TSHR: variants seen among roughly 807,000 people sequenced by gnomAD.
The protein encoded by TSHR is thyroid stimulating hormone receptor, also known as thyrotropin receptor.
In TSHR, 51 loss-of-function variants were observed where a neutral mutation model predicts 64.1. That is an observed-to-expected ratio of 0.80 (90% CI 0.64 to 1.01). The LOEUF (loss-of-function observed/expected upper bound fraction) is 1.01. Among genes scored for constraint, TSHR ranks in the 50% least tolerant of loss-of-function variants. The pLI is 0.00. For missense variants in TSHR, 877 were observed against 942.8 expected (o/e 0.93, Z 0.91); for synonymous variants, 361 against 361.9 (o/e 1.00, Z 0.03).
intron 1 of TSHR, among the ~76,000 whole-genome samples, chr14:80,978,113 ACACACAC>A (rs1887977188): frequency 1.3e-5 from 2 of 151,668 alleles, no homozygotes; most frequent in South Asian, 4.2e-4. Context: ...ACACACACAC[ACACACAC>A]ACACACACAC....
intron 9 of TSHR, among the ~76,000 whole-genome samples, chr14:81,141,246 C>A (rs1315115043): frequency 6.6e-6 from 1 of 152,122 alleles, no homozygotes; most frequent in Non-Finnish European, 1.5e-5. Context: ...TGATGCCATG[C>A]GGCATTGAGA....
intron 1 of TSHR, chr14:81,013,432 CT>C (rs1325500272): frequency 6.6e-6 from 1 of 152,066 alleles, no homozygotes; most frequent in Non-Finnish European, 1.5e-5. Context: ...CAAGGAAAGT[CT>C]TAACAGATGT....
Position 81,120,150 on chromosome 14 carries a change from G to A in TSHR, c.692+11698G>A, listed in dbSNP as rs372842142. On this transcript the variant is annotated intron_variant, in intron 8 of 9. Transcript: ENST00000298171. ...CATATGTAACTAACCTGCACAATGT[G>A]CACATGTACCCTAAAACTTAAAGTA... Among the ~76,000 whole-genome samples the A allele has an allele frequency of 1.7e-4, 26 of 149,788 alleles. No individual in the cohort carries two copies. In the East Asian group the frequency reaches 5.0e-3, roughly 29 times the overall value.
At chr14:81,133,695 C>G (rs1326029463) in intron 8 of TSHR, among the ~76,000 whole-genome samples, 1 of 152,092 alleles carries the variant, frequency 6.6e-6, no homozygotes, top group Non-Finnish European at 1.5e-5. Flanking sequence ...AGAAAAGCAC[C>G]CTCTTAAATA....
At chr14:81,113,914 T>A (rs1337867411) in intron 8 of TSHR, among the ~76,000 whole-genome samples, 1 of 152,196 alleles carries the variant, frequency 6.6e-6, no homozygotes, top group Non-Finnish European at 1.5e-5. Flanking sequence ...ATTTTCTTTC[T>A]GTTAAAATGT....
intron 1 of TSHR, among the ~76,000 whole-genome samples, chr14:81,024,174 C>G (rs1275998146): frequency 6.6e-6 from 1 of 151,912 alleles, no homozygotes; most frequent in African/African-American, 2.4e-5. Context: ...CTTTAACTTC[C>G]TTTTACTTTA....
At position 81,092,557 on chromosome 14, in the gene TSHR, C is replaced by T. The variant is rs772600260; in HGVS notation, c.494C>T (p.Thr165Met). Residue 165 changes from threonine (T) to methionine (M), a missense_variant, in exon 6 of 10, where the codon ACG becomes ATG. Thr to Met is a moderately conservative substitution (Grantham distance 81). Coordinates refer to ENST00000298171, the MANE Select transcript of TSHR (RefSeq NM_000369.5). Reference sequence around the variant, plus strand: ...GAAATTACAGACAACCCTTACATGACGTCAATCCCTGTGAATGCTTTTCAG... The same window carrying T: ...GAAATTACAGACAACCCTTACATGATGTCAATCCCTGTGAATGCTTTTCAG... ...ILEITDNPYM[T>M]SIPVNAFQGL... 13 of 1,613,984 alleles carry T rather than the reference C, an allele frequency of 8.1e-6. No homozygotes were observed. Among genetic ancestry groups the T allele is most frequent in the Admixed American group, 5.0e-5 (3 of 59,996 alleles).
intron 9 of TSHR, among the ~76,000 whole-genome samples, chr14:81,141,630 CG>C (rs1300063052): frequency 8.5e-5 from 13 of 152,092 alleles, no homozygotes; most frequent in Admixed American, 2.0e-4. Flanking sequence ...ACAGGCTGGC[CG>C]GGGGCAGTGG....
rs1386855573 is a variant in TSHR, at chr14:81,144,180, G to A, written c.2122G>A (p.Gly708Arg). The change falls in exon 10 of 10, where the codon GGG becomes AGG. Residue 708 changes from glycine to arginine, a missense_variant. By Grantham distance (125) the Gly-to-Arg change is moderately radical. Transcript: ENST00000298171. Reference protein sequence around the residue: ...ICKRQAQAYRGQRVPPKNSTD... With the variant: ...ICKRQAQAYRRQRVPPKNSTD... Reference sequence around the variant, plus strand: ...TAAACGCCAGGCTCAGGCATACCGGGGGCAGAGGGTTCCTCCAAAGAACAG... The same window carrying A: ...TAAACGCCAGGCTCAGGCATACCGGAGGCAGAGGGTTCCTCCAAAGAACAG... The A allele has an allele frequency of 6.2e-7, 1 of 1,613,918 alleles. No homozygotes were observed. The highest frequency in any genetic ancestry group is 8.5e-7 in the Non-Finnish European group (1 of 1,179,908).
rs376424579 is a variant in TSHR, at chr14:81,070,398, G to A, written c.317+2070G>A. ...AATCCCAGCATTTTAGGGGGCCAAG[G>A]CAGGCGGATCACGAGGTTAGGAGAT... On this transcript the variant is annotated intron_variant, in intron 3 of 9. Coordinates refer to ENST00000298171, the MANE Select transcript of TSHR (RefSeq NM_000369.5). 1.4e-4 allele frequency among the ~76,000 whole-genome samples: 21 copies of A among 152,142 alleles called. 1 individual carries two copies. In the East Asian group the frequency reaches 1.7e-3, roughly 13 times the overall value.
intron 1 of TSHR, among the ~76,000 whole-genome samples, chr14:80,976,995 T>C (rs1435425304): frequency 6.6e-6 from 1 of 152,284 alleles, no homozygotes; most frequent in East Asian, 1.9e-4. Context: ...TGCCTACAAA[T>C]TGGCATTCCG....
rs147825382 is a variant in TSHR at position 81,030,950 on chromosome 14, T to C, written c.171-31198T>C. Among the ~76,000 whole-genome samples the C allele has an allele frequency of 5.6e-3, 851 of 152,308 alleles. 10 individuals are homozygous for C. Among genetic ancestry groups the C allele is most frequent in the Middle Eastern group, 0.031 (9 of 294 alleles). ...TGCCAGGGCATATACCATGTTTTAA[T>C]GCCTTTTACATATAAAATCACAACA... On this transcript the variant is annotated intron_variant, in intron 1 of 9. Coordinates refer to ENST00000298171, the MANE Select transcript of TSHR (RefSeq NM_000369.5).
Position 81,143,225 on chromosome 14 carries a change from A to C in TSHR, c.1167A>C (p.Ile389=). The change falls in exon 10 of 10, where the codon ATA becomes ATC. Residue 389 remains isoleucine (I), a synonymous_variant. Coordinates refer to ENST00000298171, the MANE Select transcript of TSHR (RefSeq NM_000369.5). ...QAFDSHYDYT[I]CGDSEDMVCT... ...TTGACAGCCATTATGACTACACCAT[A>C]TGTGGGGACAGTGAAGACATGGTGT... The C allele has an allele frequency of 1.2e-6, 2 of 1,614,184 alleles. No individual in the cohort carries two copies. Among genetic ancestry groups the C allele is most frequent in the Non-Finnish European group, 8.5e-7 (1 of 1,180,044 alleles).
At chr14:81,124,842 C>A (rs1400195111) in intron 8 of TSHR, among the ~76,000 whole-genome samples, 4 of 152,028 alleles carry the variant, frequency 2.6e-5, no homozygotes, top group Non-Finnish European at 5.9e-5. Context: ...TACCCAGTTT[C>A]TGTTCAAATT....
At chr14:81,050,758 A>G (rs1377922134) in intron 1 of TSHR, 1 of 152,206 alleles carries the variant, frequency 6.6e-6, no homozygotes, top group African/African-American at 2.4e-5. Context: ...ATATGCATAC[A>G]TTGTGGGATG....
At chr14:80,981,598 T>G (rs1888174649) in intron 1 of TSHR, among the ~76,000 whole-genome samples, 2 of 152,194 alleles carry the variant, frequency 1.3e-5, no homozygotes, top group Admixed American at 1.3e-4. Flanking sequence ...TGATGAGGTC[T>G]GTTCCTTTCT....
At chr14:81,139,911 G>A (rs1891614284) in intron 9 of TSHR, 44 bp downstream of exon 9, 4 of 1,609,758 alleles carry the variant, frequency 2.5e-6, no homozygotes. Context: ...GACCTTGGTG[G>A]AAGTGGAATT....
At chr14:81,040,845 G>A (rs1174224012) in intron 1 of TSHR, among the ~76,000 whole-genome samples, 2 of 152,062 alleles carry the variant, frequency 1.3e-5, no homozygotes, top group Non-Finnish European at 2.9e-5. Flanking sequence ...TCATTAAAAA[G>A]TGGGCAAAGG....
rs1467933218 is a variant in TSHR at position 81,012,389 on chromosome 14, C to T, written c.171-49759C>T. 3.4e-4 allele frequency: 52 copies of T among 151,584 alleles called. No individual in the cohort carries two copies. The East Asian group carries it at 4.1e-3, about 12-fold the overall frequency. 9.4% of individuals were successfully genotyped at this position (151,584 alleles called of 1,614,324 possible). The stretch of plus-strand genomic sequence containing the variant: ...AAGTCTTTGCTATTGTGAATAATGC[C>T]GCAATAAACATACGTGTGCATGTGT... On this transcript the variant is annotated intron_variant, in intron 1 of 9. Transcript: ENST00000298171.
Sources: allele counts gnomAD v4.1 joint callset (sites outside exome capture counted in the v4.1 genomes callset), GRCh38; gene constraint gnomAD v4.1.1; transcripts MANE v1.5; gene names NCBI Gene and HGNC (gene_info 2026-07-23, HGNC 2026-07-21).